Variants in EMC1 observed in about 807,000 individuals in gnomAD.
The protein encoded by EMC1 is KIAA0090.
Under a neutral mutation model 128.8 loss-of-function variants are expected in EMC1, and 103 were observed. The observed-to-expected ratio is 0.80, with a 90% confidence interval of 0.68 to 0.94. EMC1 has a LOEUF of 0.94. Ranked by LOEUF, EMC1 falls within the 40% of genes least tolerant of loss-of-function variation. The probability of loss-of-function intolerance (pLI) is 0.00; values close to 1 mark genes in which losing one functional copy is unlikely to be tolerated. For synonymous variants in EMC1, 442 were observed against 490.4 expected, an observed-to-expected ratio of 0.90 and a Z score of 1.30; for missense variants, 1,083 against 1,250.6, an observed-to-expected ratio of 0.87 and a Z score of 2.02.
chr1:19,238,197 A>C (rs2093580328), intron 10 of EMC1, 58 bp from the exon 11 acceptor site: 2 of 1,592,360 alleles, frequency 1.3e-6, no homozygotes, highest in Non-Finnish European at 1.7e-6. Context: ...AAAGCCCACC[A>C]AAGGAAGTCC....
At position 19,240,290 on chromosome 1, in the gene EMC1, C is replaced by T. The variant is rs1295478291; in HGVS notation, c.786+7G>A. On this transcript the variant is annotated splice_region_variant and intron_variant, in intron 7 of 22. Coordinates refer to ENST00000477853, the MANE Select transcript of EMC1 (RefSeq NM_015047.3). ...TCAGGCCAGAAGAAGCAGTGGCAGC[C>T]TCTCACCTGCAGTGGGATCTGTCTC... 1 of 1,614,172 alleles carries T rather than the reference C, an allele frequency of 6.2e-7. No homozygotes were observed. The highest frequency in any genetic ancestry group is 8.5e-7 in the Non-Finnish European group (1 of 1,180,012).
chr1:19,232,886 A>T, intron 14 of EMC1, 50 bp downstream of exon 14: 1 of 1,606,366 alleles, frequency 6.2e-7, no homozygotes, highest in African/African-American at 1.3e-5. Context: ...TTTGTTCCTC[A>T]CCCTCAGAAT....
At chr1:19,242,808 A>G (rs538602902) in intron 4 of EMC1, among the ~76,000 whole-genome samples, 16 of 152,274 alleles carry the variant, frequency 1.1e-4, no homozygotes, top group Admixed American at 3.3e-4. Flanking sequence ...CTGCCTCCCA[A>G]TGGACAGCGG....
intron 21 of EMC1, 29 bp from the exon 22 acceptor site, chr1:19,219,727 C>A (rs376616400): frequency 6.2e-7 from 1 of 1,613,670 alleles, no homozygotes; most frequent in African/African-American, 1.3e-5. Flanking sequence ...GACAGGCAGT[C>A]TGAGCACTGC....
chr1:19,240,579 G>A lies in EMC1; in HGVS notation c.637-133C>T, dbSNP rs2093599675. The A allele has an allele frequency of 4.0e-6, 4 of 997,340 alleles. No individual in the cohort carries two copies. The Admixed American group carries it at 7.2e-5, about 18-fold the overall frequency. The allele number at this position is 997,340 out of a possible 1,614,324, so 61.8% of individuals were successfully genotyped here. A position where few individuals can be genotyped will look rare whatever the true frequency, so the allele number is the denominator to read the frequency against. On this transcript the variant is annotated intron_variant, in intron 6 of 22. Coordinates refer to ENST00000477853, the MANE Select transcript of EMC1 (RefSeq NM_015047.3). ...AAGGTTCTTCATGGTTGGTTGTATA[G>A]GAGTTCTTCCTGTCCCCTGAAACCC...
At chr1:19,225,503 T>C (rs2093465992) in intron 18 of EMC1, among the ~76,000 whole-genome samples, 2 of 152,062 alleles carry the variant, frequency 1.3e-5, no homozygotes, top group African/African-American at 4.8e-5. Flanking sequence ...AAAATTTAGC[T>C]GGGCATGGTG....
In EMC1 at chr1:19,222,779, T is replaced by C. The variant is rs146394541; in HGVS notation, c.2432A>G (p.Tyr811Cys). ...RRNEFTVLEL[Y>C]EGTEQYNATA... ...GGCGTTGTATTGCTCAGTGCCCTCATAGAGCTCCAGTACGGTAAACTCGTT... is the reference window on the plus strand; with the variant it reads ...GGCGTTGTATTGCTCAGTGCCCTCACAGAGCTCCAGTACGGTAAACTCGTT... Residue 811 changes from tyrosine (Y) to cysteine (C), a missense_variant, in exon 20 of 23, where the codon TAT becomes TGT. Around this residue, in one of 3 missense-constraint regions of EMC1, gnomAD observed 527 missense variants for 644.1 expected, o/e 0.82. Coordinates refer to ENST00000477853, the MANE Select transcript of EMC1 (RefSeq NM_015047.3). 88 of 1,613,994 alleles carry C rather than the reference T, an allele frequency of 5.5e-5. No individual in the cohort carries two copies. The highest frequency in any genetic ancestry group is 3.0e-4 in the Admixed American group (18 of 60,004).
In EMC1 at chr1:19,238,121, T is replaced by G. The variant is rs1171726242; in HGVS notation, c.1108A>C (p.Asn370His). 6.2e-7 allele frequency: 1 copy of G among 1,614,080 alleles called. No individual in the cohort carries two copies. Among genetic ancestry groups the G allele is most frequent in the Admixed American group, 1.7e-5 (1 of 60,008 alleles). Residue 370 changes from asparagine to histidine, a missense_variant, in exon 11 of 23, where the codon AAT (asparagine) becomes CAT (histidine). Transcript: ENST00000477853. ...TATAGGTTAATGGTGTAGGTCTGAT[T>G]GAAGCAAGCCAGAGAGTCCTAGGAG... ...SSSKDSLACF[N>H]QTYTINLYLV...
At chr1:19,238,929 G>C in intron 9 of EMC1, 72 bp from the exon 10 acceptor site, 1 of 1,112,776 alleles carries the variant, frequency 9.0e-7, no homozygotes, top group Middle Eastern at 2.0e-4. Flanking sequence ...TGAAGCTTTT[G>C]TTTTTGTCTT....
intron 17 of EMC1, among the ~76,000 whole-genome samples, chr1:19,228,198 T>G (rs988112319): frequency 2.6e-4 from 25 of 95,096 alleles, no homozygotes; most frequent in Non-Finnish European, 4.9e-4. Context: ...AGAGCGAAAC[T>G]CCGGCTCAAA....
rs774595213 is a variant in EMC1 at position 19,233,064 on chromosome 1, G to A, written c.1504C>T (p.Leu502Phe). 1.2e-5 allele frequency: 19 copies of A among 1,614,072 alleles called. No homozygotes were observed. The South Asian group carries it at 2.1e-4, about 18-fold the overall frequency. ...CGAGCATCATAAAACATTTTCCAGA[G>A]GTGGGAAGTCCATGCTTGCAGCAGG... ...LILLQAWTSH[L>F]WKMFYDARKP... Residue 502 changes from leucine (L) to phenylalanine (F), a missense_variant, in exon 14 of 23, where the codon CTC (leucine) becomes TTC (phenylalanine). Coordinates refer to ENST00000477853, the MANE Select transcript of EMC1 (RefSeq NM_015047.3).
chr1:19,248,095 C>T (rs557506116), intron 1 of EMC1, among the ~76,000 whole-genome samples: 1 of 152,170 alleles, frequency 6.6e-6, no homozygotes, highest in East Asian at 1.9e-4. Context: ...GTTACTGCTC[C>T]TGAAAACCTG....
intron 11 of EMC1, among the ~76,000 whole-genome samples, chr1:19,237,745 C>G (rs886510689): frequency 1.3e-5 from 2 of 152,194 alleles, no homozygotes; most frequent in Non-Finnish European, 2.9e-5. Flanking sequence ...AAAACCAGGT[C>G]AGGAACAACC....
intron 6 of EMC1, 38 bp downstream of exon 6, chr1:19,240,978 C>T (rs1273668435): frequency 1.9e-6 from 3 of 1,608,436 alleles, no homozygotes; most frequent in African/African-American, 1.3e-5. Flanking sequence ...TCTCCCCCAA[C>T]CCCACCTTAT....
chr1:19,220,480 G>A (rs960520689), intron 21 of EMC1: 13 of 242,980 alleles, frequency 5.4e-5, no homozygotes, highest in African/African-American at 1.8e-4. Context: ...TTACACCCAC[G>A]CACATCCCCA....
intron 12 of EMC1, among the ~76,000 whole-genome samples, chr1:19,235,574 G>A (rs184912051): frequency 1.1e-3 from 173 of 152,268 alleles, no homozygotes; most frequent in Non-Finnish European, 1.9e-3. Context: ...GATGGTGGGC[G>A]CCTGTAGTTC....
Position 19,239,910 on chromosome 1 carries a change from G to A in EMC1, c.862C>T (p.Arg288Trp), listed in dbSNP as rs751352541. The A allele has an allele frequency of 2.0e-5, 33 of 1,613,950 alleles. No individual in the cohort carries two copies. The highest frequency in any genetic ancestry group is 1.6e-4 in the Middle Eastern group (1 of 6,082). ...GACAAGTGCAGGAAGAACTGGGCCC[G>A]GGAAGCGTCCACTGGGTTGGGCTGG... ...PTQPNPVDAS[R>W]AQFFLHLSPS... Residue 288 changes from arginine to tryptophan, a missense_variant, in exon 8 of 23, where the codon CGG becomes TGG. Transcript: ENST00000477853.
intron 1 of EMC1, among the ~76,000 whole-genome samples, 180 bp from the exon 2 acceptor site, chr1:19,245,210 G>A (rs1267540501): frequency 6.6e-6 from 1 of 152,188 alleles, no homozygotes; most frequent in African/African-American, 2.4e-5. Context: ...GGCCGAGGCA[G>A]GCAGATCACC....
intron 18 of EMC1, among the ~76,000 whole-genome samples, chr1:19,225,166 G>A (rs2093462858): frequency 6.6e-6 from 1 of 152,080 alleles, no homozygotes; most frequent in Non-Finnish European, 1.5e-5. Context: ...TGTCTGTTTT[G>A]CCCATTTTAT....
Sources: allele counts gnomAD v4.1 joint callset (sites outside exome capture counted in the v4.1 genomes callset), GRCh38; gene constraint gnomAD v4.1.1; regional missense constraint gnomAD v4.1.1; transcripts MANE v1.5; gene names NCBI Gene and HGNC (gene_info 2026-07-23, HGNC 2026-07-21).